The following BTG4 variants were observed in gnomAD, a reference collection of about 807,000 sequenced individuals.
The protein encoded by BTG4 is BTG anti-proliferation factor 4.
In BTG4, 10 loss-of-function variants were observed where a neutral mutation model predicts 19.3. The observed-to-expected ratio is 0.52, with a 90% CI of 0.32 to 0.88. BTG4 has a LOEUF of 0.88. BTG4 is among the 40% of genes least tolerant of loss of function. The pLI is 0.04. For synonymous variants in BTG4, 91 were observed against 95.7 expected (o/e 0.95, Z 0.29); for missense variants, 238 against 281.9 (o/e 0.84, Z 1.11).
At chr11:111,448,035 T>C in the BTG4 span, among the ~76,000 whole-genome samples, 2 of 152,188 alleles carry the variant, frequency 1.3e-5, no homozygotes, top group African/African-American at 4.8e-5. Flanking sequence ...CCTACCTCTC[T>C]CTCTGCCACT....
intron 3 of BTG4, among the ~76,000 whole-genome samples, chr11:111,497,642 A>C (rs1415124028): frequency 6.6e-6 from 1 of 152,204 alleles, no homozygotes; most frequent in Non-Finnish European, 1.5e-5. Flanking sequence ...TCAGTTAATG[A>C]ACTGAATTGT....
At chr11:111,503,736 G>A (rs1161950824) in intron 1 of BTG4, among the ~76,000 whole-genome samples, 4 of 152,050 alleles carry the variant, frequency 2.6e-5, no homozygotes, top group African/African-American at 9.7e-5. Flanking sequence ...GAATCAAATG[G>A]TATAAAACAT....
At chr11:111,451,456 TC>T in the BTG4 span, 2 of 438,848 alleles carry the variant, frequency 4.6e-6, no homozygotes, top group African/African-American at 4.0e-5. Context: ...TCCCATTATT[TC>T]CCCTCTCTTT....
At chr11:111,477,934 A>C (rs1305152637) in intron 5 of BTG4, among the ~76,000 whole-genome samples, 1 of 152,164 alleles carries the variant, frequency 6.6e-6, no homozygotes, top group East Asian at 1.9e-4. Context: ...GTATGGATCA[A>C]GTCATCCCAG....
chr11:111,451,924 G>A, the BTG4 span, among the ~76,000 whole-genome samples: 8 of 152,210 alleles, frequency 5.3e-5, no homozygotes, highest in Non-Finnish European at 1.2e-4. Context: ...TGTGCAAGGA[G>A]GGGAAGGTTG....
At chr11:111,458,979 C>A in the BTG4 span, among the ~76,000 whole-genome samples, 2 of 152,148 alleles carry the variant, frequency 1.3e-5, no homozygotes, top group African/African-American at 4.8e-5. Context: ...CGGTGGCTCA[C>A]GCCTGTAATC....
intron 1 of BTG4, among the ~76,000 whole-genome samples, 168 bp downstream of exon 1, chr11:111,512,013 C>T (rs1324361884): frequency 1.3e-5 from 2 of 152,178 alleles, no homozygotes; most frequent in South Asian, 2.1e-4. Context: ...CACTATTTGA[C>T]TAGAAGGCCC....
chr11:111,458,861 A>G, the BTG4 span, among the ~76,000 whole-genome samples: 1 of 152,194 alleles, frequency 6.6e-6, no homozygotes. Flanking sequence ...CCTGCCCCAC[A>G]ATTTATTAAC....
At chr11:111,477,141 C>T (rs1371247908) in intron 5 of BTG4, among the ~76,000 whole-genome samples, 1 of 152,124 alleles carries the variant, frequency 6.6e-6, no homozygotes, top group East Asian at 1.9e-4. Context: ...ACTTCTTGGG[C>T]TCTGTGTCTT....
At chr11:111,487,883 A>G (rs902714073) in intron 5 of BTG4, among the ~76,000 whole-genome samples, 3 of 152,208 alleles carry the variant, frequency 2.0e-5, no homozygotes, top group Non-Finnish European at 4.4e-5. Flanking sequence ...TAAAATACCT[A>G]GGAATAAACT....
At chr11:111,415,712 G>A in the BTG4 span, among the ~76,000 whole-genome samples, 228 of 152,256 alleles carry the variant, frequency 1.5e-3, 1 homozygote, top group African/African-American at 4.9e-3. Flanking sequence ...TACGGGGTGG[G>A]GGAAAATTAG....
At position 111,495,113 on chromosome 11, in the gene BTG4, C is replaced by T. The variant is rs1380571778; in HGVS notation, c.*22G>A. ...AAAGGCACTCCTCTGAGCTCTTGCC[C>T]ACCACGTGCCCAGTCGCTGCGTCAT... On this transcript the variant is annotated 3_prime_UTR_variant, in exon 5 of 5. Coordinates refer to ENST00000692032, the MANE Select transcript of BTG4 (RefSeq NM_001367975.1). The T allele has an allele frequency of 1.3e-5, 20 of 1,506,632 alleles. No homozygotes were observed. The highest frequency in any genetic ancestry group is 1.7e-5 in the Non-Finnish European group (19 of 1,130,220). 93.3% of individuals were successfully genotyped at this position (1,506,632 alleles called of 1,614,324 possible).
At chr11:111,499,221 T>C (rs1323877107) in intron 1 of BTG4, among the ~76,000 whole-genome samples, 1 of 152,206 alleles carries the variant, frequency 6.6e-6, no homozygotes, top group Non-Finnish European at 1.5e-5. Context: ...TTAGGAATAA[T>C]CAAACACATT....
chr11:111,463,727 C>G (rs1287769613), downstream of BTG4, among the ~76,000 whole-genome samples: 1 of 152,220 alleles, frequency 6.6e-6, no homozygotes, highest in Non-Finnish European at 1.5e-5. Context: ...GGCCAAGGAT[C>G]TGGGTGCAGC....
the BTG4 span, chr11:111,451,017 C>T: frequency 5.7e-6 from 1 of 175,968 alleles, no homozygotes; most frequent in African/African-American, 2.3e-5. Flanking sequence ...CTCAACTCCA[C>T]ACATCTTGGG....
intron 5 of BTG4, among the ~76,000 whole-genome samples, chr11:111,482,587 A>G (rs1864805609): frequency 6.6e-6 from 1 of 152,174 alleles, no homozygotes; most frequent in Non-Finnish European, 1.5e-5. Context: ...TGGTGTTGGC[A>G]GAAGAATAAA....
At chr11:111,442,968 T>C in the BTG4 span, among the ~76,000 whole-genome samples, 99 of 152,222 alleles carry the variant, frequency 6.5e-4, no homozygotes, top group Non-Finnish European at 1.3e-3. Context: ...ATGAGCATAG[T>C]GTGGAAAGGG....
intron 5 of BTG4, among the ~76,000 whole-genome samples, chr11:111,475,991 GA>G (rs772721454): frequency 1.1e-4 from 16 of 151,930 alleles, no homozygotes; most frequent in Non-Finnish European, 1.8e-4. Context: ...CAGTATGGGG[GA>G]AACCACCCCC....
intron 5 of BTG4, among the ~76,000 whole-genome samples, chr11:111,472,869 A>G (rs1391746276): frequency 6.6e-6 from 1 of 152,196 alleles, no homozygotes; most frequent in East Asian, 1.9e-4. Flanking sequence ...GTAGATTTAT[A>G]TGGGCCCTGA....
Sources: gnomAD v4.1 joint callset for allele counts (sites outside exome capture counted in the v4.1 genomes callset) on GRCh38, gnomAD v4.1.1 for gene constraint, MANE v1.5 for transcripts, NCBI Gene and HGNC (gene_info 2026-07-23, HGNC 2026-07-21) for gene names.